The following RBMS1 variants were observed in gnomAD, a reference collection of about 807,000 sequenced individuals.
RBMS1 encodes RNA-binding motif, single-stranded-interacting protein 1.
A neutral mutation model predicts 62.3 loss-of-function variants in RBMS1; 17 were observed. That is an observed-to-expected ratio of 0.27 (90% CI 0.19 to 0.41). RBMS1 has a LOEUF of 0.41. Ranked by LOEUF, RBMS1 falls within the 10% of genes least tolerant of loss-of-function variation. RBMS1 has a pLI of 1.00. For missense variants in RBMS1, 334 were observed against 504.5 expected (o/e 0.66, Z 3.24); for synonymous variants, 172 against 170.0 (o/e 1.01, Z -0.09).
chr2:160,436,099 TGATA>T (rs763412211), intron 1 of RBMS1, among the ~76,000 whole-genome samples: 7 of 152,214 alleles, frequency 4.6e-5, no homozygotes, highest in Non-Finnish European at 7.3e-5. Flanking sequence ...TAAGTAACTG[TGATA>T]GATAATCTCC....
chr2:160,429,375 T>C (rs1274007363), intron 1 of RBMS1, among the ~76,000 whole-genome samples: 2 of 152,232 alleles, frequency 1.3e-5, no homozygotes, highest in East Asian at 3.9e-4. Flanking sequence ...ACTATGTTGT[T>C]ATACATGTCA....
At chr2:160,469,827 A>C (rs1684846458) in intron 1 of RBMS1, among the ~76,000 whole-genome samples, 1 of 152,232 alleles carries the variant, frequency 6.6e-6, no homozygotes, top group Non-Finnish European at 1.5e-5. Flanking sequence ...AAATAAAATA[A>C]AGGAGACGAA....
At chr2:160,313,029 G>C in intron 4 of RBMS1, 127 bp downstream of exon 4, 1 of 766,184 alleles carries the variant, frequency 1.3e-6, no homozygotes, top group East Asian at 2.7e-5. Context: ...CACAGGACAA[G>C]TGTCCAGAAG....
chr2:160,387,247 T>G (rs964705174), intron 1 of RBMS1, among the ~76,000 whole-genome samples: 1 of 152,098 alleles, frequency 6.6e-6, no homozygotes, highest in African/African-American at 2.4e-5. Flanking sequence ...GTGATGCTAG[T>G]AAATGGGAAA....
intron 9 of RBMS1, chr2:160,281,767 C>T (rs1688116762): frequency 5.6e-6 from 1 of 178,876 alleles, no homozygotes; most frequent in African/African-American, 2.4e-5. Flanking sequence ...ACGATTAATT[C>T]CAGCACATCT....
chr2:160,455,967 G>T (rs996770677), intron 1 of RBMS1, among the ~76,000 whole-genome samples: 2 of 152,002 alleles, frequency 1.3e-5, no homozygotes, highest in African/African-American at 4.8e-5. Flanking sequence ...ACAGGCGTGA[G>T]CCACCGCGCC....
chr2:160,392,110 ATG>A (rs1694896137), intron 1 of RBMS1, among the ~76,000 whole-genome samples: 1 of 152,194 alleles, frequency 6.6e-6, no homozygotes, highest in Non-Finnish European at 1.5e-5. Context: ...AACCAAACCT[ATG>A]AATCAGACCT....
intron 9 of RBMS1, chr2:160,284,360 A>G (rs1688254890): frequency 5.4e-6 from 1 of 185,336 alleles, no homozygotes; most frequent in South Asian, 1.1e-4. Flanking sequence ...ATCTTTATGT[A>G]TTACCATGTT....
intron 1 of RBMS1, among the ~76,000 whole-genome samples, chr2:160,405,213 C>T (rs961575454): frequency 6.6e-6 from 1 of 151,286 alleles, no homozygotes; most frequent in Non-Finnish European, 1.5e-5. Context: ...CAAACCATTA[C>T]GGTGTTTTTT....
intron 13 of RBMS1, among the ~76,000 whole-genome samples, chr2:160,275,080 G>A (rs544140670): frequency 6.6e-6 from 1 of 152,152 alleles, no homozygotes; most frequent in South Asian, 2.1e-4. Flanking sequence ...TATCACCAGG[G>A]CAATGCAGAA....
intron 1 of RBMS1, among the ~76,000 whole-genome samples, chr2:160,418,885 C>G (rs1271517856): frequency 6.6e-6 from 1 of 152,102 alleles, no homozygotes; most frequent in Admixed American, 6.5e-5. Flanking sequence ...TAACACAGGG[C>G]TTGGCACATA....
At chr2:160,329,780 C>T (rs902209317) in intron 2 of RBMS1, among the ~76,000 whole-genome samples, 7 of 151,690 alleles carry the variant, frequency 4.6e-5, no homozygotes, top group Admixed American at 4.6e-4. Flanking sequence ...GCTAAAAGTG[C>T]TTCTTATCTA....
At chr2:160,336,342 G>C (rs1691567021) in intron 2 of RBMS1, among the ~76,000 whole-genome samples, 1 of 152,168 alleles carries the variant, frequency 6.6e-6, no homozygotes, top group Non-Finnish European at 1.5e-5. Flanking sequence ...AATAGCCACA[G>C]AGTGGAAAAA....
chr2:160,363,905 T>TG (rs796283138), intron 2 of RBMS1, among the ~76,000 whole-genome samples: 37 of 146,936 alleles, frequency 2.5e-4, no homozygotes, highest in African/African-American at 8.6e-4. Context: ...GGGATGAGAG[T>TG]GAAAAAAAAA....
Position 160,285,064 on chromosome 2 carries a change from A to T in RBMS1, c.757-20T>A. On this transcript the variant is annotated intron_variant, in intron 7 of 13. Coordinates refer to ENST00000348849, the MANE Select transcript of RBMS1 (RefSeq NM_016836.4). ...TCCAGCCTATGGGAAAGAGAAAGAA[A>T]TATAAACATTCATCTAGAAAGGCAT... 1 of 1,604,562 alleles carries T rather than the reference A, an allele frequency of 6.2e-7. No homozygotes were observed. Among genetic ancestry groups the T allele is most frequent in the Non-Finnish European group, 8.5e-7 (1 of 1,171,264 alleles).
chr2:160,474,911 T>C (rs550908223), intron 1 of RBMS1, among the ~76,000 whole-genome samples: 1 of 152,370 alleles, frequency 6.6e-6, no homozygotes, highest in Non-Finnish European at 1.5e-5. Context: ...ATCGTATTTA[T>C]GGTGTGATAA....
At chr2:160,332,271 C>T (rs1691317849) in intron 2 of RBMS1, among the ~76,000 whole-genome samples, 1 of 152,112 alleles carries the variant, frequency 6.6e-6, no homozygotes, top group East Asian at 1.9e-4. Flanking sequence ...TACAGAATTA[C>T]TGAGTAAAAG....
chr2:160,286,582 A>G (rs1343410224), intron 7 of RBMS1, among the ~76,000 whole-genome samples: 2 of 152,078 alleles, frequency 1.3e-5, no homozygotes, highest in African/African-American at 2.4e-5. Flanking sequence ...GGCCTCCCAA[A>G]GTGCTAGGAT....
intron 2 of RBMS1, among the ~76,000 whole-genome samples, chr2:160,339,635 T>A (rs973691721): frequency 6.6e-6 from 1 of 152,168 alleles, no homozygotes; most frequent in South Asian, 2.1e-4. Context: ...GCAAAATGAA[T>A]ATAGTCTATA....
Sources: gnomAD v4.1 joint callset for allele counts (sites outside exome capture counted in the v4.1 genomes callset) on GRCh38, gnomAD v4.1.1 for gene constraint, MANE v1.5 for transcripts, NCBI Gene and HGNC (gene_info 2026-07-23, HGNC 2026-07-21) for gene names.